DHRS7C: variants seen among roughly 807,000 people sequenced by gnomAD.
The protein encoded by DHRS7C is dehydrogenase/reductase SDR family member 7C.
Under a neutral mutation model 29.6 loss-of-function variants are expected in DHRS7C, and 28 were observed. The observed-to-expected ratio is 0.95, with a 90% CI of 0.70 to 1.30. The LOEUF (loss-of-function observed/expected upper bound fraction) is 1.30. DHRS7C is among the 50% of genes most tolerant of loss of function. DHRS7C has a pLI of 0.00. For synonymous variants in DHRS7C, 158 were observed against 160.2 expected (o/e 0.99, Z 0.10); for missense variants, 403 against 393.3 (o/e 1.02, Z -0.21).
intron 1 of DHRS7C, chr17:9,783,066 G>A (rs149821075): frequency 1.3e-5 from 2 of 152,516 alleles, no homozygotes; most frequent in East Asian, 1.9e-4. Context: ...TCTAAATCAG[G>A]TGGGAGCAGG....
chr17:9,782,053 T>C (rs947667008), intron 1 of DHRS7C, among the ~76,000 whole-genome samples: 1 of 152,188 alleles, frequency 6.6e-6, no homozygotes, highest in African/African-American at 2.4e-5. Flanking sequence ...GTAAACCTAC[T>C]TTCTGTCTAA....
chr17:9,787,446 G>A (rs920446062), intron 1 of DHRS7C, among the ~76,000 whole-genome samples: 1 of 152,162 alleles, frequency 6.6e-6, no homozygotes, highest in Non-Finnish European at 1.5e-5. Flanking sequence ...TCAGTGCCTC[G>A]GTGCTACTGC....
Position 9,777,304 on chromosome 17 carries a change from T to A in DHRS7C, c.479-19A>T, listed in dbSNP as rs765523621. The A allele has an allele frequency of 3.7e-6, 6 of 1,606,942 alleles. No homozygotes were observed. In the East Asian group the frequency reaches 6.7e-5, roughly 18 times the overall value. On this transcript the variant is annotated intron_variant, in intron 3 of 5. Coordinates refer to ENST00000571134, the MANE Select transcript of DHRS7C (RefSeq NM_001105571.3). ...AGCAGGGCTGGAAAACACAGGACGA[T>A]GCATCATGGTTAAAACTTTGAGACT...
intron 1 of DHRS7C, 36 bp downstream of exon 1, chr17:9,791,095 C>T (rs2066452291): frequency 6.3e-7 from 1 of 1,582,566 alleles, no homozygotes; most frequent in Non-Finnish European, 8.6e-7. Flanking sequence ...TCCCTGGGGG[C>T]AGAAATGGGC....
At position 9,774,876 on chromosome 17, in the gene DHRS7C, G is replaced by C. The variant is rs1241821109; in HGVS notation, c.572-1954C>G. ...AGAAGAGAATTTGGGGCCAGTCCAG[G>C]GTGGCATGGCTTCAGTTCTGACATT... On this transcript the variant is annotated intron_variant, in intron 4 of 5. Transcript: ENST00000571134. This position sits in a 1 kb window ranked among gnomAD's most constrained non-coding sequence, Gnocchi z 5.0. Among the ~76,000 whole-genome samples, 1 of 152,144 alleles carries C rather than the reference G, an allele frequency of 6.6e-6. No individual in the cohort carries two copies. The highest frequency in any genetic ancestry group is 1.5e-5 in the Non-Finnish European group (1 of 68,038).
Position 9,772,840 on chromosome 17 carries a change from G to C in DHRS7C, c.654C>G (p.Thr218=), listed in dbSNP as rs367681568. 6.2e-7 allele frequency: 1 copy of C among 1,614,008 alleles called. No homozygotes were observed. Among genetic ancestry groups the C allele is most frequent in the Non-Finnish European group, 8.5e-7 (1 of 1,179,892 alleles). ...EVEEYDVVIS[T]VSPTFIRSYH... ...ACGACCGGATGAAAGTCGGGCTCAC[G>C]GTGCTGATGACAACATCGTATTCCT... is the stretch of plus-strand genomic sequence containing the variant. The change falls in exon 5 of 6, where the codon ACC becomes ACG. Residue 218 remains threonine, a synonymous_variant. Transcript: ENST00000571134.
rs1291340849 is a variant in DHRS7C, at chr17:9,791,149, T to C, written c.136A>G (p.Ile46Val). The C allele has an allele frequency of 1.2e-6, 2 of 1,613,324 alleles. No individual in the cohort carries two copies. Among genetic ancestry groups the C allele is most frequent in the Non-Finnish European group, 1.7e-6 (2 of 1,179,688 alleles). Residue 46 changes from isoleucine (I) to valine (V), a missense_variant, in exon 1 of 6, where the codon ATC (isoleucine) becomes GTC (valine). Ile to Val is a conservative substitution (Grantham distance 29, BLOSUM62 3). Coordinates refer to ENST00000571134, the MANE Select transcript of DHRS7C (RefSeq NM_001105571.3). ...QNKVVVITDA[I>V]SGLGKECARV... ...AGCTTACCCTTGCCCAGTCCTGAGA[T>C]GGCATCGGTGATCACCACCACTTTG...
At chr17:9,787,031 T>G (rs769267587) in intron 1 of DHRS7C, among the ~76,000 whole-genome samples, 24 of 152,204 alleles carry the variant, frequency 1.6e-4, no homozygotes, top group Admixed American at 1.0e-3. Flanking sequence ...CTGCAATCTC[T>G]GCCTCCCAGG....
chr17:9,790,305 C>T (rs1322570608), intron 1 of DHRS7C, among the ~76,000 whole-genome samples: 1 of 152,178 alleles, frequency 6.6e-6, no homozygotes, highest in African/African-American at 2.4e-5. Context: ...GCAAAAGTTG[C>T]ACTAACTATG....
At chr17:9,772,189 G>A (rs1161715093) in intron 5 of DHRS7C, among the ~76,000 whole-genome samples, 1 of 152,202 alleles carries the variant, frequency 6.6e-6, no homozygotes, top group Non-Finnish European at 1.5e-5. Context: ...CTGATTGATA[G>A]AGGGGCTGGT....
intron 1 of DHRS7C, among the ~76,000 whole-genome samples, chr17:9,790,450 T>C (rs1370605026): frequency 1.3e-5 from 2 of 152,182 alleles, no homozygotes; most frequent in African/African-American, 4.8e-5. Context: ...ATTCAGGAGT[T>C]GCAAATGCAA....
rs570349816 is a variant in DHRS7C, at chr17:9,791,483, C to G, written c.-199G>C. 2.0e-5 allele frequency among the ~76,000 whole-genome samples: 3 copies of G among 152,316 alleles called. No homozygotes were observed. Among genetic ancestry groups the G allele is most frequent in the Admixed American group, 2.0e-4 (3 of 15,300 alleles). On this transcript the variant is annotated 5_prime_UTR_variant, in exon 1 of 6. Transcript: ENST00000571134. ...ACTCACAGTGTCTCCGAAAGCAGACCGAATCCAGGGGGCCTGCCCTCCCCA... is the reference window on the plus strand; with the variant it reads ...ACTCACAGTGTCTCCGAAAGCAGACGGAATCCAGGGGGCCTGCCCTCCCCA...
Position 9,791,262 on chromosome 17 carries a change from A to G in DHRS7C, c.23T>C (p.Met8Thr), listed in dbSNP as rs1247086563. 2.5e-6 allele frequency: 4 copies of G among 1,613,652 alleles called. No individual in the cohort carries two copies. The highest frequency in any genetic ancestry group is 2.7e-5 in the African/African-American group (2 of 74,938). Residue 8 changes from methionine to threonine, a missense_variant, in exon 1 of 6, where the codon ATG (methionine) becomes ACG (threonine). Met to Thr is a moderately conservative substitution (Grantham distance 81). Transcript: ENST00000571134. MGVMAML[M>T]LPLLLLGISG... ...GATTCCCAGCAGCAGCAGGGGGAGC[A>G]TCAGCATGGCCATGACTCCCATCTT... is the stretch of plus-strand genomic sequence containing the variant.
intron 3 of DHRS7C, among the ~76,000 whole-genome samples, chr17:9,779,562 G>C (rs1331032223): frequency 6.6e-6 from 1 of 152,210 alleles, no homozygotes; most frequent in Non-Finnish European, 1.5e-5. Flanking sequence ...TAAGGAGAGA[G>C]AAGTAAAAGG....
chr17:9,790,189 C>T (rs769581662), intron 1 of DHRS7C, among the ~76,000 whole-genome samples: 2 of 152,080 alleles, frequency 1.3e-5, no homozygotes, highest in African/African-American at 2.4e-5. Context: ...GAGGGACTCT[C>T]GGGGCAATGC....
At position 9,771,712 on chromosome 17, in the gene DHRS7C, T is replaced by TGG. The variant is rs770757644; in HGVS notation, c.728-18_728-17dup. The TGG allele has an allele frequency of 7.6e-6, 11 of 1,443,294 alleles. No homozygotes were observed. Among genetic ancestry groups the TGG allele is most frequent in the Non-Finnish European group, 1.0e-5 (11 of 1,088,960 alleles). 89.4% of individuals were successfully genotyped at this position (1,443,294 alleles called of 1,614,324 possible). ...CTGAAAAAGACTGAAAGGCCCCAGT[T>TGG]GGGGGCGGGGGTTATGACCTCCGTG... On this transcript the variant is annotated splice_polypyrimidine_tract_variant and intron_variant, in intron 5 of 5. Coordinates refer to ENST00000571134, the MANE Select transcript of DHRS7C (RefSeq NM_001105571.3).
chr17:9,786,861 C>G (rs990053890), intron 1 of DHRS7C, among the ~76,000 whole-genome samples: 2 of 152,126 alleles, frequency 1.3e-5, no homozygotes, highest in African/African-American at 4.8e-5. Flanking sequence ...ACACTAGGCT[C>G]CTCTTGGCCA....
intron 1 of DHRS7C, chr17:9,785,081 A>G (rs1392507964): frequency 1.3e-5 from 2 of 152,262 alleles, no homozygotes; most frequent in African/African-American, 4.8e-5. Context: ...ATATAAAGAT[A>G]TAAATTCCTA....
intron 1 of DHRS7C, among the ~76,000 whole-genome samples, chr17:9,788,803 C>T (rs908163743): frequency 1.3e-5 from 2 of 152,216 alleles, no homozygotes; most frequent in East Asian, 1.9e-4. Context: ...CCGTCAGCAG[C>T]GTGGAGAGCT....
Sources: gnomAD v4.1 joint callset for allele counts (sites outside exome capture counted in the v4.1 genomes callset) on GRCh38, gnomAD v4.1.1 for gene constraint, Gnocchi (gnomAD v3.1) non-coding constraint, MANE v1.5 for transcripts, NCBI Gene and HGNC (gene_info 2026-07-23, HGNC 2026-07-21) for gene names.